SEC22B: variants seen among roughly 807,000 people sequenced by gnomAD.
SEC22B encodes SEC22 homolog B, vesicle trafficking protein.
A neutral mutation model predicts 31.4 loss-of-function variants in SEC22B; 10 were observed. That is an observed-to-expected ratio of 0.32 (90% CI 0.20 to 0.54). The LOEUF is 0.54. Ranked by LOEUF, SEC22B falls within the 20% of genes least tolerant of loss-of-function variation. SEC22B has a pLI of 0.94. For missense variants in SEC22B, 130 were observed against 263.4 expected (o/e 0.49, Z 3.50); for synonymous variants, 60 against 95.9 (o/e 0.63, Z 2.19).
Position 120,155,239 on chromosome 1 carries a change from A to G in SEC22B, c.*1799T>C, listed in dbSNP as rs2101125459. The G allele has an allele frequency of 6.6e-6, 1 of 152,164 alleles. No homozygotes were observed. Among genetic ancestry groups the G allele is most frequent in the South Asian group, 2.1e-4 (1 of 4,832 alleles). The allele number at this position is 152,164 out of a possible 1,614,324, so 9.4% of individuals were successfully genotyped here. Reference sequence around the variant, plus strand: ...ACAAGTATTTATTTCATTGCTGACCATTAGGTTGCAGCATGCAACTCTCAA... The same window carrying G: ...ACAAGTATTTATTTCATTGCTGACCGTTAGGTTGCAGCATGCAACTCTCAA... On this transcript the variant is annotated 3_prime_UTR_variant, in exon 5 of 5. Transcript: ENST00000578049.
intron 2 of SEC22B, among the ~76,000 whole-genome samples, chr1:120,165,507 T>C (rs2101129817): frequency 6.6e-6 from 1 of 152,250 alleles, no homozygotes; most frequent in South Asian, 2.1e-4. Flanking sequence ...CACATGCAAA[T>C]ATATATATTT....
chr1:120,171,128 A>C (rs1291766498), intron 1 of SEC22B, among the ~76,000 whole-genome samples: 1 of 132,684 alleles, frequency 7.5e-6, no homozygotes, highest in Non-Finnish European at 1.5e-5. Context: ...ACTTATGCCC[A>C]GTCTCCACCA....
At chr1:120,159,517 GT>G (rs1263547092) in intron 4 of SEC22B, 6 of 148,452 alleles carry the variant, frequency 4.0e-5, no homozygotes, top group African/African-American at 1.2e-4. Context: ...ATATACTTAT[GT>G]TATATGGAAA....
chr1:120,152,567 T>C lies in SEC22B; in HGVS notation c.*4471A>G, dbSNP rs1477367668. ...GATGTGGAAAACAGTTGGATTAACA[T>C]TGAGATCAAATGAGAAAGGAGCAAA... On this transcript the variant is annotated 3_prime_UTR_variant, in exon 5 of 5. Transcript: ENST00000578049. 3 of 150,560 alleles carry C rather than the reference T, an allele frequency of 2.0e-5. No individual in the cohort carries two copies. The highest frequency in any genetic ancestry group is 1.9e-4 in the East Asian group (1 of 5,170). The allele number at this position is 150,560 out of a possible 1,614,324, so 9.3% of individuals were successfully genotyped here.
At chr1:120,164,539 G>A (rs1570867675) in intron 2 of SEC22B, among the ~76,000 whole-genome samples, 1 of 151,420 alleles carries the variant, frequency 6.6e-6, no homozygotes, top group East Asian at 1.9e-4. Flanking sequence ...TTCTGTTCCT[G>A]CATTAATTCA....
intron 2 of SEC22B, among the ~76,000 whole-genome samples, chr1:120,167,007 C>CTATTT (rs1657823266): frequency 1.4e-5 from 2 of 144,510 alleles, no homozygotes; most frequent in South Asian, 4.4e-4. Context: ...CTTGCCCTTT[C>CTATTT]TATGTGGCTC....
intron 2 of SEC22B, among the ~76,000 whole-genome samples, chr1:120,165,054 G>A (rs1158587298): frequency 1.3e-5 from 2 of 151,940 alleles, no homozygotes; most frequent in Non-Finnish European, 2.9e-5. Context: ...AGTATGTTTT[G>A]AGAAATATCT....
In SEC22B at chr1:120,151,869, T is replaced by C. The variant is rs1657547143; in HGVS notation, c.*5169A>G. On this transcript the variant is annotated 3_prime_UTR_variant, in exon 5 of 5. Transcript: ENST00000578049. ...AAAAATTTTTGGTTAATAGTCTAGT[T>C]AGAGGTGAAAGAAGAAAGCAGAGGA... is the stretch of plus-strand genomic sequence containing the variant. 2.0e-5 allele frequency: 3 copies of C among 151,694 alleles called. No individual in the cohort carries two copies. The highest frequency in any genetic ancestry group is 4.4e-5 in the Non-Finnish European group (3 of 67,982). The allele number at this position is 151,694 out of a possible 1,614,324, so 9.4% of individuals were successfully genotyped here.
At chr1:120,162,864 G>A (rs1657741326) in intron 3 of SEC22B, among the ~76,000 whole-genome samples, 2 of 151,992 alleles carry the variant, frequency 1.3e-5, no homozygotes, top group African/African-American at 4.8e-5. Context: ...GTGAGTCTGT[G>A]GACTGGGGTA....
In SEC22B at chr1:120,172,431, C is replaced by T. The variant is rs1244649165; in HGVS notation, c.76-3482G>A. Among the ~76,000 whole-genome samples, 3 of 13,906 alleles carry T rather than the reference C, an allele frequency of 2.2e-4. No homozygotes were observed. In the East Asian group the frequency reaches 4.2e-3, roughly 19 times the overall value. 9.1% of individuals were successfully genotyped at this position (13,906 alleles called of 152,430 possible). On this transcript the variant is annotated intron_variant, in intron 1 of 4. Coordinates refer to ENST00000578049, the MANE Select transcript of SEC22B (RefSeq NM_004892.6). ...TACTTGAGAAGTCAAACTTTTTAGC[C>T]TCTAAGCTAAAAAGGGAGGAACTAG... is the stretch of plus-strand genomic sequence containing the variant.
At chr1:120,164,193 C>CA (rs1657768628) in intron 2 of SEC22B, among the ~76,000 whole-genome samples, 1 of 147,234 alleles carries the variant, frequency 6.8e-6, no homozygotes, top group African/African-American at 2.5e-5. Flanking sequence ...CTCGTGACCT[C>CA]AATCGATCCA....
intron 1 of SEC22B, among the ~76,000 whole-genome samples, chr1:120,170,700 G>A (rs1474437765): frequency 7.6e-5 from 11 of 144,978 alleles, no homozygotes; most frequent in Non-Finnish European, 1.0e-4. Flanking sequence ...TGTATGTACA[G>A]TTTTATATAT....
chr1:120,176,313 G>A lies in SEC22B; in HGVS notation c.69C>T (p.Asp23=). ...GLPLAASMQE[D]EQSGRDLQQY... ...TCGTGAGTAAGCAGCTCACCTGTTC[G>A]TCCTCCTGCATCGAGGCGGCCAGCG... Residue 23 remains aspartate, a synonymous_variant, in exon 1 of 5, where the codon GAC becomes GAT. Transcript: ENST00000578049. 1 of 1,611,014 alleles carries A rather than the reference G, an allele frequency of 6.2e-7. No individual in the cohort carries two copies. The highest frequency in any genetic ancestry group is 8.5e-7 in the Non-Finnish European group (1 of 1,179,644).
intron 1 of SEC22B, among the ~76,000 whole-genome samples, chr1:120,174,690 T>TC: frequency 9.7e-6 from 1 of 103,072 alleles, no homozygotes; most frequent in East Asian, 2.5e-4. Flanking sequence ...CCAGATTCCA[T>TC]CCCCCCTACC....
At position 120,151,521 on chromosome 1, in the gene SEC22B, C is replaced by G. The variant is rs1158451206; in HGVS notation, c.*5517G>C. ...TCTCTACTAAAAATACAAAAATTAGCCAGGAGCTGTGGCAGGTGCCTGTAA... is the reference window on the plus strand; with the variant it reads ...TCTCTACTAAAAATACAAAAATTAGGCAGGAGCTGTGGCAGGTGCCTGTAA... On this transcript the variant is annotated 3_prime_UTR_variant, in exon 5 of 5. Coordinates refer to ENST00000578049, the MANE Select transcript of SEC22B (RefSeq NM_004892.6). 2.0e-5 allele frequency: 3 copies of G among 151,986 alleles called. No individual in the cohort carries two copies. Among genetic ancestry groups the G allele is most frequent in the African/African-American group, 7.3e-5 (3 of 41,324 alleles). 9.4% of individuals were successfully genotyped at this position (151,986 alleles called of 1,614,324 possible). A position where few individuals can be genotyped will look rare whatever the true frequency, so the allele number is the denominator to read the frequency against.
At position 120,153,624 on chromosome 1, in the gene SEC22B, C is replaced by T. The variant is rs1657581843; in HGVS notation, c.*3414G>A. On this transcript the variant is annotated 3_prime_UTR_variant, in exon 5 of 5. Coordinates refer to ENST00000578049, the MANE Select transcript of SEC22B (RefSeq NM_004892.6). Reference sequence around the variant, plus strand: ...TATTTGATATGAAATTTTTTTGGTACACACAATTTTTCAAAAATATATCTC... The same window carrying T: ...TATTTGATATGAAATTTTTTTGGTATACACAATTTTTCAAAAATATATCTC... The T allele has an allele frequency of 7.4e-6, 1 of 134,378 alleles. No individual in the cohort carries two copies. The highest frequency in any genetic ancestry group is 1.5e-5 in the Non-Finnish European group (1 of 65,266). The allele number at this position is 134,378 out of a possible 1,614,324, so 8.3% of individuals were successfully genotyped here.
intron 4 of SEC22B, 162 bp from the exon 5 acceptor site, chr1:120,157,354 T>C: frequency 2.1e-6 from 1 of 478,944 alleles, no homozygotes; most frequent in Non-Finnish European, 3.4e-6. Flanking sequence ...CTGATGATGC[T>C]GATCAGATGA....
At chr1:120,170,757 GTAC>G (rs1396366372) in intron 1 of SEC22B, among the ~76,000 whole-genome samples, 2 of 147,332 alleles carry the variant, frequency 1.4e-5, no homozygotes, top group African/African-American at 5.2e-5. Flanking sequence ...ATATTAAACA[GTAC>G]TACTAATATA....
chr1:120,171,812 C>T (rs1270244248), intron 1 of SEC22B, among the ~76,000 whole-genome samples: 2 of 142,026 alleles, frequency 1.4e-5, no homozygotes, highest in Non-Finnish European at 1.5e-5. Context: ...ACATTTTGGT[C>T]ATTTTGCTTT....
Sources: gnomAD v4.1 joint callset for allele counts (sites outside exome capture counted in the v4.1 genomes callset) on GRCh38, gnomAD v4.1.1 for gene constraint, MANE v1.5 for transcripts, NCBI Gene and HGNC (gene_info 2026-07-23, HGNC 2026-07-21) for gene names.